SV2C: variants seen among roughly 807,000 people sequenced by gnomAD.
SV2C encodes synaptic vesicle glycoprotein 2C, also known as solute carrier family 22 member B3.
A neutral mutation model predicts 79.7 loss-of-function variants in SV2C; 49 were observed. The ratio of observed to expected loss-of-function variants is 0.61; its 90% confidence interval spans 0.49 to 0.78. The LOEUF is 0.78. Among genes scored for constraint, SV2C ranks in the 30% least tolerant of loss-of-function variants. The probability of loss-of-function intolerance (pLI) is 0.00; values close to 1 mark genes in which losing one functional copy is unlikely to be tolerated. For missense variants in SV2C, 833 were observed against 912.9 expected, an observed-to-expected ratio of 0.91 and a Z score of 1.13; for synonymous variants, 334 against 333.2, an observed-to-expected ratio of 1.00 and a Z score of -0.03.
At chr5:75,999,254 T>TTA in the SV2C span, among the ~76,000 whole-genome samples, 2 of 151,874 alleles carry the variant, frequency 1.3e-5, no homozygotes, top group African/African-American at 4.8e-5. Context: ...CCATATCAAT[T>TTA]TGTATATATG....
intron 1 of SV2C, among the ~76,000 whole-genome samples, chr5:76,117,599 T>C (rs1043686589): frequency 6.6e-6 from 1 of 152,088 alleles, no homozygotes; most frequent in Admixed American, 6.6e-5. Flanking sequence ...AGCTAAATGG[T>C]ATAAAGGCAA....
At chr5:76,261,477 A>T (rs1369173489) in intron 4 of SV2C, among the ~76,000 whole-genome samples, 1 of 152,114 alleles carries the variant, frequency 6.6e-6, no homozygotes, top group Admixed American at 6.5e-5. Flanking sequence ...TTCCAATTCT[A>T]TGTTGAATAG....
At chr5:76,247,856 T>C (rs981990783) in intron 4 of SV2C, among the ~76,000 whole-genome samples, 5 of 152,202 alleles carry the variant, frequency 3.3e-5, no homozygotes, top group African/African-American at 1.2e-4. Flanking sequence ...TAAGATTACA[T>C]GCATGCTAAT....
At chr5:75,994,912 C>T in the SV2C span, among the ~76,000 whole-genome samples, 50 of 152,228 alleles carry the variant, frequency 3.3e-4, no homozygotes, top group African/African-American at 2.2e-4. Context: ...CCAAGGCCAA[C>T]GGCCTGAGAG....
chr5:76,160,505 A>G (rs1742867079), intron 2 of SV2C, among the ~76,000 whole-genome samples: 1 of 152,234 alleles, frequency 6.6e-6, no homozygotes, highest in Admixed American at 6.5e-5. Flanking sequence ...ATTCTTAAAT[A>G]TGACACCCAA....
At chr5:76,169,366 C>G (rs1244446614) in intron 2 of SV2C, among the ~76,000 whole-genome samples, 4 of 152,124 alleles carry the variant, frequency 2.6e-5, no homozygotes, top group Non-Finnish European at 5.9e-5. Flanking sequence ...TGCTTAGCAT[C>G]TAGACATGAT....
intron 4 of SV2C, among the ~76,000 whole-genome samples, chr5:76,223,440 C>CATATAT (rs1226545104): frequency 2.8e-5 from 1 of 36,024 alleles, no homozygotes; most frequent in African/African-American, 9.7e-5. Flanking sequence ...TATATACATA[C>CATATAT]ATACATATAT....
At chr5:75,940,782 T>C in the SV2C span, among the ~76,000 whole-genome samples, 1 of 152,180 alleles carries the variant, frequency 6.6e-6, no homozygotes, top group Admixed American at 6.5e-5. Context: ...TTGGAGGGAC[T>C]TAAAGTGCAA....
chr5:76,222,741 G>A (rs749854148), intron 4 of SV2C, among the ~76,000 whole-genome samples: 3 of 152,044 alleles, frequency 2.0e-5, no homozygotes, highest in Non-Finnish European at 4.4e-5. Flanking sequence ...AAAATAAAAA[G>A]TAGAAAACAA....
the SV2C span, among the ~76,000 whole-genome samples, chr5:75,896,417 T>G: frequency 6.6e-6 from 1 of 150,458 alleles, no homozygotes; most frequent in African/African-American, 2.5e-5. Context: ...GGCTGCATAG[T>G]ATTCCATGGT....
rs529098238 is a variant in SV2C, at chr5:76,113,526, G to A, written c.-101-18124G>A. ...CACTTGTAGTCTGATAGGGTGGATG[G>A]ATGAATTCTGACTTCCCTTGTGACT... On this transcript the variant is annotated intron_variant, in intron 1 of 12. Transcript: ENST00000502798. Among the ~76,000 whole-genome samples the A allele has an allele frequency of 1.4e-4, 22 of 152,310 alleles. No individual in the cohort carries two copies. The South Asian group carries it at 4.4e-3, about 30-fold the overall frequency.
intron 2 of SV2C, among the ~76,000 whole-genome samples, chr5:76,144,442 A>C (rs1749356769): frequency 6.6e-6 from 1 of 152,160 alleles, no homozygotes; most frequent in Non-Finnish European, 1.5e-5. Context: ...CTCACCATTC[A>C]TCTTGGTTTA....
chr5:75,961,074 T>C, the SV2C span, among the ~76,000 whole-genome samples: 5 of 152,048 alleles, frequency 3.3e-5, no homozygotes, highest in African/African-American at 1.2e-4. Context: ...TATTTTAAAA[T>C]TATACATTAA....
At chr5:76,136,767 G>A (rs541400187) in intron 2 of SV2C, among the ~76,000 whole-genome samples, 23 of 152,124 alleles carry the variant, frequency 1.5e-4, no homozygotes, top group Non-Finnish European at 2.6e-4. Flanking sequence ...AGAGTTTACC[G>A]GGCAGATAAA....
At chr5:76,050,904 C>T in the SV2C span, among the ~76,000 whole-genome samples, 5 of 152,048 alleles carry the variant, frequency 3.3e-5, no homozygotes, top group East Asian at 1.9e-4. Flanking sequence ...GGGAGGAATA[C>T]GTCCAAATCT....
chr5:75,871,922 G>T, the SV2C span, among the ~76,000 whole-genome samples: 1 of 147,272 alleles, frequency 6.8e-6, no homozygotes, highest in African/African-American at 2.5e-5. Context: ...TGCACAATGT[G>T]CAGGTTAGTT....
At chr5:76,266,361 C>T (rs1746655784) in intron 4 of SV2C, among the ~76,000 whole-genome samples, 1 of 152,142 alleles carries the variant, frequency 6.6e-6, no homozygotes, top group South Asian at 2.1e-4. Context: ...GCACGTGCCA[C>T]CACGCCCAGC....
intron 4 of SV2C, among the ~76,000 whole-genome samples, chr5:76,263,942 G>T (rs2937724): frequency 6.6e-6 from 1 of 151,750 alleles, no homozygotes; most frequent in Non-Finnish European, 1.5e-5. Context: ...GTATCTTAGC[G>T]GTGTTCTCTG....
chr5:76,270,282 T>C (rs1390095130), intron 4 of SV2C, among the ~76,000 whole-genome samples: 1 of 152,248 alleles, frequency 6.6e-6, no homozygotes, highest in East Asian at 1.9e-4. Flanking sequence ...TGTTTTATTT[T>C]TCCAGAAGGA....
Sources: gnomAD v4.1 joint callset for allele counts (sites outside exome capture counted in the v4.1 genomes callset) on GRCh38, gnomAD v4.1.1 for gene constraint, MANE v1.5 for transcripts, NCBI Gene and HGNC (gene_info 2026-07-23, HGNC 2026-07-21) for gene names.